The following ELP4 variants were observed in gnomAD, a reference collection of about 807,000 sequenced individuals.
The protein encoded by ELP4 is elongator complex protein 4.
A neutral mutation model predicts 48.9 loss-of-function variants in ELP4; 51 were observed. The ratio of observed to expected loss-of-function variants is 1.04; its 90% CI spans 0.83 to 1.32. The LOEUF (loss-of-function observed/expected upper bound fraction) is 1.32. ELP4 is among the 40% of genes most tolerant of loss of function. The pLI, the probability that ELP4 is intolerant of heterozygous loss-of-function variation, is 0.00. For synonymous variants in ELP4, 210 were observed against 189.2 expected (o/e 1.11, Z -0.90); for missense variants, 519 against 514.6 (o/e 1.01, Z -0.08).
At chr11:31,760,359 CATA>C (rs1476035351) in intron 9 of ELP4, among the ~76,000 whole-genome samples, 1 of 152,176 alleles carries the variant, frequency 6.6e-6, no homozygotes, top group Non-Finnish European at 1.5e-5. Flanking sequence ...CTGTGGATTT[CATA>C]ATATTTCCAG....
intron 9 of ELP4, among the ~76,000 whole-genome samples, chr11:31,747,357 C>T (rs1947619155): frequency 6.6e-6 from 1 of 151,940 alleles, no homozygotes; most frequent in African/African-American, 2.4e-5. Flanking sequence ...AAGAATGATC[C>T]CCATCTTAGA....
intron 4 of ELP4, among the ~76,000 whole-genome samples, chr11:31,595,621 A>C (rs1316625847): frequency 4.6e-5 from 7 of 152,168 alleles, no homozygotes; most frequent in Non-Finnish European, 1.0e-4. Context: ...TGTGTATGAT[A>C]CCTTTAACTT....
intron 9 of ELP4, among the ~76,000 whole-genome samples, chr11:31,747,334 T>C (rs1338640771): frequency 6.6e-6 from 1 of 152,056 alleles, no homozygotes; most frequent in African/African-American, 2.4e-5. Context: ...TATAATTAGC[T>C]TAAGAGAACT....
intron 9 of ELP4, among the ~76,000 whole-genome samples, chr11:31,736,184 T>C (rs1947312140): frequency 6.6e-6 from 1 of 152,162 alleles, no homozygotes; most frequent in African/African-American, 2.4e-5. Flanking sequence ...TATCTACAAC[T>C]ATCTGATCTT....
At chr11:31,726,962 T>C (rs1947089213) in intron 9 of ELP4, among the ~76,000 whole-genome samples, 1 of 152,188 alleles carries the variant, frequency 6.6e-6, no homozygotes, top group Non-Finnish European at 1.5e-5. Flanking sequence ...TTGAGCTATA[T>C]CTTTTAACAC....
Position 31,788,833 on chromosome 11 carries a change from A to G in ELP4, c.*5309A>G, listed in dbSNP as rs1308227915. 4.9e-6 allele frequency: 1 copy of G among 205,316 alleles called. No homozygotes were observed. The highest frequency in any genetic ancestry group is 2.3e-5 in the African/African-American group (1 of 43,868). The allele number at this position is 205,316 out of a possible 1,614,324, so 12.7% of individuals were successfully genotyped here. ...TTTTTTAAGGATCATCAGGATGTAA[A>G]ACAGAGTGTGTGTGAAAGTAACCAT... On this transcript the variant is annotated 3_prime_UTR_variant, in exon 10 of 10. Transcript: ENST00000640961.
chr11:31,583,382 GA>G (rs1335076541), intron 3 of ELP4, among the ~76,000 whole-genome samples: 10 of 152,018 alleles, frequency 6.6e-5, no homozygotes, highest in Non-Finnish European at 4.4e-5. Context: ...AGCATTTTTG[GA>G]TTGCAAACAA....
intron 7 of ELP4, among the ~76,000 whole-genome samples, chr11:31,642,483 G>A (rs965175341): frequency 1.3e-5 from 2 of 151,690 alleles, no homozygotes; most frequent in Non-Finnish European, 2.9e-5. Context: ...CACCATCAAG[G>A]TTAGGAATAT....
intron 3 of ELP4, among the ~76,000 whole-genome samples, chr11:31,568,253 G>A (rs1957144464): frequency 6.6e-6 from 1 of 152,088 alleles, no homozygotes. Context: ...CCAAGGAGGT[G>A]AAAGTGAACT....
chr11:31,557,423 A>T (rs1187852848), intron 3 of ELP4, among the ~76,000 whole-genome samples: 1 of 152,148 alleles, frequency 6.6e-6, no homozygotes, highest in South Asian at 2.1e-4. Flanking sequence ...AATTATTATT[A>T]TAAAGTTTTC....
At chr11:31,763,371 A>C in intron 9 of ELP4, 1 of 1,544,046 alleles carries the variant, frequency 6.5e-7, no homozygotes, top group Non-Finnish European at 8.8e-7. Flanking sequence ...CTTCAAAATT[A>C]CTGTTGACTA....
chr11:31,537,822 G>A (rs543669684), intron 2 of ELP4, among the ~76,000 whole-genome samples: 1 of 152,068 alleles, frequency 6.6e-6, no homozygotes, highest in Non-Finnish European at 1.5e-5. Flanking sequence ...TGAGATTTGG[G>A]CAGGGACACA....
chr11:31,674,939 G>GT (rs977993781), intron 9 of ELP4, among the ~76,000 whole-genome samples: 13 of 151,812 alleles, frequency 8.6e-5, no homozygotes, highest in African/African-American at 3.1e-4. Flanking sequence ...CTAGTACCTA[G>GT]TTAAAAAAAA....
chr11:31,753,192 C>T (rs1947764788), intron 9 of ELP4, among the ~76,000 whole-genome samples: 2 of 152,152 alleles, frequency 1.3e-5, no homozygotes, highest in African/African-American at 4.8e-5. Flanking sequence ...GTCTGCTTAC[C>T]AAAAGAGATC....
chr11:31,591,331 G>C (rs1029210108), intron 3 of ELP4, among the ~76,000 whole-genome samples: 8 of 144,182 alleles, frequency 5.5e-5, no homozygotes, highest in African/African-American at 2.0e-4. Context: ...GCATGAACCC[G>C]AGAGGTGGAG....
chr11:31,680,445 A>G (rs1057194322), intron 9 of ELP4, among the ~76,000 whole-genome samples: 22 of 152,164 alleles, frequency 1.4e-4, no homozygotes, highest in Admixed American at 1.3e-3. Flanking sequence ...GGTTTGCAAA[A>G]TGCTATGGCC....
intron 9 of ELP4, among the ~76,000 whole-genome samples, chr11:31,731,567 G>GGGGTGTGTGT (rs1554974418): frequency 1.4e-5 from 2 of 142,760 alleles, no homozygotes; most frequent in East Asian, 2.0e-4. Context: ...CCATTAAGCA[G>GGGGTGTGTGT]GTGTGTGTGT....
At chr11:31,632,464 G>C in intron 7 of ELP4, 59 bp downstream of exon 7, 1 of 1,364,266 alleles carries the variant, frequency 7.3e-7, no homozygotes, top group Non-Finnish European at 9.8e-7. Context: ...TGACATTGTG[G>C]TTTTAGTTTG....
At chr11:31,724,027 C>T (rs1472756462) in intron 9 of ELP4, among the ~76,000 whole-genome samples, 2 of 152,106 alleles carry the variant, frequency 1.3e-5, no homozygotes, top group Non-Finnish European at 2.9e-5. Flanking sequence ...TCAAAAATTG[C>T]GACATTTTAA....
Sources: gnomAD v4.1 joint callset for allele counts (sites outside exome capture counted in the v4.1 genomes callset) on GRCh38, gnomAD v4.1.1 for gene constraint, MANE v1.5 for transcripts, NCBI Gene and HGNC (gene_info 2026-07-23, HGNC 2026-07-21) for gene names.